The following STRIP2 variants were observed in gnomAD, a reference collection of about 807,000 sequenced individuals.
STRIP2 encodes striatin interacting protein 2, also known as striatin-interacting protein 2.
STRIP2 carries 84 observed loss-of-function variants against 107.1 expected under a neutral mutation model. The ratio of observed to expected loss-of-function variants is 0.78; its 90% CI spans 0.66 to 0.94. The LOEUF is 0.94. STRIP2 is among the 40% of genes least tolerant of loss of function. The pLI is 0.00. For missense variants in STRIP2, 888 were observed against 1,034.2 expected (o/e 0.86, Z 1.94); for synonymous variants, 394 against 400.4 (o/e 0.98, Z 0.19).
chr7:129,440,184 C>A, intron 2 of STRIP2, 93 bp downstream of exon 2: 2 of 1,078,432 alleles, frequency 1.9e-6, no homozygotes, highest in Non-Finnish European at 2.8e-6. Context: ...CTGTTCTCAC[C>A]AAGTGGCTGT....
At chr7:129,477,049 CCTGCAATCGCAGGCACTCGGCA>C (rs1165242071) in intron 18 of STRIP2, among the ~76,000 whole-genome samples, 65 of 151,650 alleles carry the variant, frequency 4.3e-4, no homozygotes, top group African/African-American at 1.5e-3. Flanking sequence ...GCGGCGCGCG[CCTGCAATCGCAGGCACTCGGCA>C]GGCTGAGGCA....
Position 129,434,571 on chromosome 7 carries a change from A to G in STRIP2, c.99A>G (p.Glu33=), listed in dbSNP as rs1301357412. 6.6e-7 allele frequency: 1 copy of G among 1,515,630 alleles called. No homozygotes were observed. The highest frequency in any genetic ancestry group is 2.0e-5 in the Admixed American group (1 of 49,878). 93.9% of individuals were successfully genotyped at this position (1,515,630 alleles called of 1,614,324 possible). ...KGKQAAPKGR[E]AFRSQRRESE... ...AGCAGGCGGCGCCCAAGGGCCGCGA[A>G]GCGTTCCGAAGCCAGCGGCGGGAGT... The change falls in exon 1 of 21, where the codon GAA becomes GAG. Residue 33 remains glutamate (E), a synonymous_variant. Coordinates refer to ENST00000249344, the MANE Select transcript of STRIP2 (RefSeq NM_020704.3).
At chr7:129,467,957 G>A (rs1403078786) in intron 17 of STRIP2, among the ~76,000 whole-genome samples, 2 of 152,120 alleles carry the variant, frequency 1.3e-5, no homozygotes, top group Non-Finnish European at 2.9e-5. Flanking sequence ...GCAATGCTAA[G>A]AGTTGTTATA....
Position 129,486,692 on chromosome 7 carries a change from G to T in STRIP2, c.*863G>T, listed in dbSNP as rs1215004089. On this transcript the variant is annotated 3_prime_UTR_variant, in exon 21 of 21. Coordinates refer to ENST00000249344, the MANE Select transcript of STRIP2 (RefSeq NM_020704.3). Reference sequence around the variant, plus strand: ...ACAGGAGGCTTTATTTATTCAGATGGTATGTCCACTTGTGGTCGTGATCAA... The same window carrying T: ...ACAGGAGGCTTTATTTATTCAGATGTTATGTCCACTTGTGGTCGTGATCAA... 1 of 152,132 alleles carries T rather than the reference G, an allele frequency of 6.6e-6. No homozygotes were observed. The highest frequency in any genetic ancestry group is 1.5e-5 in the Non-Finnish European group (1 of 68,028). The allele number at this position is 152,132 out of a possible 1,614,324, so 9.4% of individuals were successfully genotyped here. A position where few individuals can be genotyped will look rare whatever the true frequency, so the allele number is the denominator to read the frequency against.
intron 16 of STRIP2, among the ~76,000 whole-genome samples, chr7:129,466,075 G>A (rs1165657775): frequency 1.3e-5 from 2 of 152,182 alleles, no homozygotes; most frequent in African/African-American, 2.4e-5. Context: ...GTAGTGGTAG[G>A]TAGGAGATAG....
Position 129,446,902 on chromosome 7 carries a change from A to G in STRIP2, c.274+2804A>G, listed in dbSNP as rs184547421. 6.3e-3 allele frequency among the ~76,000 whole-genome samples: 963 copies of G among 152,352 alleles called. 9 individuals are homozygous for G. The highest frequency in any genetic ancestry group is 0.022 in the African/African-American group (932 of 41,580). ...GTTCATGATAGGCAGTTGAGGTCGCATGGTGACTTGATGACCCATAGTCAA... is the reference window on the plus strand; with the variant it reads ...GTTCATGATAGGCAGTTGAGGTCGCGTGGTGACTTGATGACCCATAGTCAA... On this transcript the variant is annotated intron_variant, in intron 3 of 20. Coordinates refer to ENST00000249344, the MANE Select transcript of STRIP2 (RefSeq NM_020704.3).
chr7:129,460,209 C>T, intron 12 of STRIP2, 92 bp from the exon 13 acceptor site: 1 of 1,156,236 alleles, frequency 8.6e-7, no homozygotes, highest in Non-Finnish European at 1.2e-6. Flanking sequence ...ATAAGCAGAA[C>T]ATTTCCTTGC....
chr7:129,464,591 T>A (rs77844712), intron 15 of STRIP2, 21 bp from the exon 16 acceptor site: 2 of 1,613,692 alleles, frequency 1.2e-6, no homozygotes, highest in Non-Finnish European at 1.7e-6. Flanking sequence ...TCTGCACTAA[T>A]ACCTTCTCTC....
At chr7:129,463,612 C>T (rs1337201962) in intron 14 of STRIP2, among the ~76,000 whole-genome samples, 2 of 152,174 alleles carry the variant, frequency 1.3e-5, no homozygotes, top group African/African-American at 2.4e-5. Context: ...TCTCCTGCCT[C>T]AGCCTCCCGA....
intron 3 of STRIP2, among the ~76,000 whole-genome samples, chr7:129,444,385 C>T (rs546033976): frequency 1.3e-5 from 2 of 152,118 alleles, no homozygotes; most frequent in Non-Finnish European, 2.9e-5. Context: ...GTCCGATATT[C>T]GAGGGCAGGA....
At chr7:129,480,208 G>T (rs1799083018) in intron 18 of STRIP2, among the ~76,000 whole-genome samples, 1 of 152,098 alleles carries the variant, frequency 6.6e-6, no homozygotes, top group South Asian at 2.1e-4. Flanking sequence ...CTGGTTAGGT[G>T]TTCACAAACT....
chr7:129,452,610 C>A (rs1001160219), intron 4 of STRIP2, among the ~76,000 whole-genome samples: 3 of 152,186 alleles, frequency 2.0e-5, no homozygotes, highest in Non-Finnish European at 4.4e-5. Flanking sequence ...TGGTCTTGAA[C>A]TCATAGGCTC....
chr7:129,465,630 T>C (rs1798652878), intron 16 of STRIP2, among the ~76,000 whole-genome samples: 2 of 152,232 alleles, frequency 1.3e-5, no homozygotes, highest in Non-Finnish European at 1.5e-5. Flanking sequence ...GAAGTAGTCT[T>C]ATTTAATACC....
rs576576928 is a variant in STRIP2, at chr7:129,445,749, C to T, written c.274+1651C>T. Among the ~76,000 whole-genome samples the T allele has an allele frequency of 2.0e-5, 3 of 152,288 alleles. 1 individual carries two copies. In the East Asian group the frequency reaches 5.8e-4, roughly 29 times the overall value. ...AACATGGTAAGACCATGAGCATGAG[C>T]CCACTGCCACACTTCTTTAGCCATG... On this transcript the variant is annotated intron_variant, in intron 3 of 20. Coordinates refer to ENST00000249344, the MANE Select transcript of STRIP2 (RefSeq NM_020704.3).
At position 129,434,617 on chromosome 7, in the gene STRIP2, A is replaced by AGG. The variant is rs890381240; in HGVS notation, c.129+17_129+18insGG. ...GGAGTCAGAGGTGAGGAGCCCGGAAAGCTTCGGCTGGGGCCCGGAGACGCC... is the reference window on the plus strand; with the variant it reads ...GGAGTCAGAGGTGAGGAGCCCGGAAAGGGCTTCGGCTGGGGCCCGGAGACGCC... On this transcript the variant is annotated intron_variant, in intron 1 of 20. Coordinates refer to ENST00000249344, the MANE Select transcript of STRIP2 (RefSeq NM_020704.3). The AGG allele has an allele frequency of 8.5e-5, 125 of 1,472,880 alleles. No individual in the cohort carries two copies. Among genetic ancestry groups the AGG allele is most frequent in the Non-Finnish European group, 9.6e-5 (107 of 1,114,114 alleles). The allele number at this position is 1,472,880 out of a possible 1,614,324, so 91.2% of individuals were successfully genotyped here.
Position 129,434,574 on chromosome 7 carries a change from G to A in STRIP2, c.102G>A (p.Ala34=), listed in dbSNP as rs1363790833. 3 of 1,515,498 alleles carry A rather than the reference G, an allele frequency of 2.0e-6. No homozygotes were observed. Among genetic ancestry groups the A allele is most frequent in the South Asian group, 1.2e-5 (1 of 82,128 alleles). The allele number at this position is 1,515,498 out of a possible 1,614,324, so 93.9% of individuals were successfully genotyped here. A position where few individuals can be genotyped will look rare whatever the true frequency, so the allele number is the denominator to read the frequency against. ...AGGCGGCGCCCAAGGGCCGCGAAGC[G>A]TTCCGAAGCCAGCGGCGGGAGTCAG... ...GKQAAPKGRE[A]FRSQRRESEG... The change falls in exon 1 of 21, where the codon GCG becomes GCA. Residue 34 remains alanine (A), a synonymous_variant. Transcript: ENST00000249344.
At chr7:129,436,514 C>T (rs370807171) in intron 1 of STRIP2, among the ~76,000 whole-genome samples, 1 of 152,236 alleles carries the variant, frequency 6.6e-6, no homozygotes, top group East Asian at 1.9e-4. Flanking sequence ...AAATGAACAA[C>T]TGCTGCGATC....
At chr7:129,452,039 A>G (rs923245954) in intron 4 of STRIP2, among the ~76,000 whole-genome samples, 6 of 152,162 alleles carry the variant, frequency 3.9e-5, no homozygotes, top group Non-Finnish European at 8.8e-5. Context: ...TACTAGCAAG[A>G]GGTGTGGCCA....
intron 18 of STRIP2, among the ~76,000 whole-genome samples, chr7:129,473,748 C>T (rs62489110): frequency 0.31 from 46,983 of 151,270 alleles, 8,497 homozygotes; most frequent in East Asian, 0.6. Flanking sequence ...GATGGAGTCT[C>T]GCTCTGTCGG....
Sources: allele counts gnomAD v4.1 joint callset (sites outside exome capture counted in the v4.1 genomes callset), GRCh38; gene constraint gnomAD v4.1.1; transcripts MANE v1.5; gene names NCBI Gene and HGNC (gene_info 2026-07-23, HGNC 2026-07-21).